Variants in CPNE4 observed in about 807,000 individuals in gnomAD.
CPNE4 encodes copine-4.
CPNE4 carries 25 observed loss-of-function variants against 67.9 expected under a neutral mutation model. The observed-to-expected ratio is 0.37, with a 90% CI of 0.27 to 0.51. The LOEUF is 0.51. Among genes scored for constraint, CPNE4 ranks in the 20% least tolerant of loss-of-function variants. CPNE4 has a pLI of 0.93. For synonymous variants in CPNE4, 242 were observed against 244.9 expected (o/e 0.99, Z 0.11); for missense variants, 464 against 690.8 (o/e 0.67, Z 3.68).
intron 2 of CPNE4, among the ~76,000 whole-genome samples, chr3:131,851,276 TACTC>T (rs2086233623): frequency 6.6e-6 from 1 of 152,096 alleles, no homozygotes; most frequent in African/African-American, 2.4e-5. Flanking sequence ...ATTTGGATAT[TACTC>T]ATTCAATTAA....
chr3:131,691,319 T>C (rs2081028293), intron 5 of CPNE4, among the ~76,000 whole-genome samples: 2 of 152,116 alleles, frequency 1.3e-5, no homozygotes, highest in Admixed American at 6.6e-5. Context: ...CCAATCAACA[T>C]TGAATAGGAT....
chr3:132,024,615 T>C (rs956959569), intron 1 of CPNE4, among the ~76,000 whole-genome samples: 9 of 152,236 alleles, frequency 5.9e-5, no homozygotes, highest in African/African-American at 1.9e-4. Context: ...TGCTCAAGCA[T>C]GTCTTCCTTG....
intron 1 of CPNE4, among the ~76,000 whole-genome samples, chr3:132,004,577 T>TA (rs1306242753): frequency 6.6e-6 from 1 of 151,694 alleles, no homozygotes. Context: ...ACACTGACAT[T>TA]AAAAAAAAGC....
At chr3:131,774,841 T>C (rs2083256234) in intron 2 of CPNE4, among the ~76,000 whole-genome samples, 1 of 152,168 alleles carries the variant, frequency 6.6e-6, no homozygotes, top group South Asian at 2.1e-4. Context: ...TCTAAAATTA[T>C]AGCACCACAC....
chr3:131,813,728 G>T (rs2084624907), intron 2 of CPNE4, among the ~76,000 whole-genome samples: 1 of 152,216 alleles, frequency 6.6e-6, no homozygotes, highest in Middle Eastern at 3.4e-3. Context: ...ATGGCAGCCA[G>T]CTGAAGGAGT....
intron 9 of CPNE4, among the ~76,000 whole-genome samples, chr3:131,577,689 G>C (rs1372280805): frequency 1.3e-5 from 2 of 152,128 alleles, no homozygotes; most frequent in Non-Finnish European, 2.9e-5. Flanking sequence ...AGTGAGAGGT[G>C]AGTGAATGTG....
chr3:131,803,343 T>A (rs148199735), intron 2 of CPNE4, among the ~76,000 whole-genome samples: 75 of 152,352 alleles, frequency 4.9e-4, no homozygotes, highest in African/African-American at 1.8e-3. Context: ...CCTTTCTCTG[T>A]CCAGCTTTCT....
At chr3:131,851,419 A>T (rs2086238527) in intron 2 of CPNE4, among the ~76,000 whole-genome samples, 1 of 152,112 alleles carries the variant, frequency 6.6e-6, no homozygotes, top group African/African-American at 2.4e-5. Context: ...CAAGCTGAAA[A>T]AAATCAGGAT....
chr3:131,831,448 T>A (rs558610863), intron 2 of CPNE4, among the ~76,000 whole-genome samples: 19 of 152,268 alleles, frequency 1.2e-4, no homozygotes, highest in African/African-American at 4.3e-4. Flanking sequence ...CTACTACTGA[T>A]GGAAAATCAG....
chr3:131,540,809 G>T, intron 15 of CPNE4, among the ~76,000 whole-genome samples: 1 of 152,178 alleles, frequency 6.6e-6, no homozygotes, highest in East Asian at 1.9e-4. Context: ...ATGCAGGGAG[G>T]GACTGCAGTG....
At chr3:131,829,742 G>C (rs1031053249) in intron 2 of CPNE4, among the ~76,000 whole-genome samples, 4 of 152,202 alleles carry the variant, frequency 2.6e-5, no homozygotes, top group African/African-American at 9.7e-5. Flanking sequence ...CTTCACAAGA[G>C]GATGGGGAAA....
chr3:131,682,218 G>A (rs764394398), intron 6 of CPNE4, among the ~76,000 whole-genome samples: 1 of 151,894 alleles, frequency 6.6e-6, no homozygotes, highest in Non-Finnish European at 1.5e-5. Context: ...TCTGGATATT[G>A]AAGATTTATA....
intron 2 of CPNE4, among the ~76,000 whole-genome samples, chr3:131,811,175 T>C (rs1288658014): frequency 6.6e-6 from 1 of 151,718 alleles, no homozygotes; most frequent in African/African-American, 2.4e-5. Flanking sequence ...AGATCTTATG[T>C]TGAGTGTTCT....
chr3:131,619,161 G>A (rs920020775), intron 7 of CPNE4, among the ~76,000 whole-genome samples: 1 of 152,108 alleles, frequency 6.6e-6, no homozygotes, highest in African/African-American at 2.4e-5. Flanking sequence ...CTTAGGAAAG[G>A]AAAATCACAA....
At chr3:131,556,444 A>G (rs1389324563) in intron 11 of CPNE4, among the ~76,000 whole-genome samples, 1 of 152,034 alleles carries the variant, frequency 6.6e-6, no homozygotes, top group Non-Finnish European at 1.5e-5. Flanking sequence ...TTCCCTCTAC[A>G]TGACTCATTG....
chr3:131,913,637 G>A (rs2089071298), intron 1 of CPNE4, among the ~76,000 whole-genome samples: 1 of 152,166 alleles, frequency 6.6e-6, no homozygotes, highest in African/African-American at 2.4e-5. Context: ...TTTTGTTCCT[G>A]CTCTAAAGCT....
rs1223155357 is a variant in CPNE4 at position 131,961,082 on chromosome 3, G to A, written c.-1-55638C>T. 2.0e-5 allele frequency among the ~76,000 whole-genome samples: 3 copies of A among 152,118 alleles called. No individual in the cohort carries two copies. In the South Asian group the frequency reaches 6.2e-4, roughly 32 times the overall value. ...TCTAAGACCACAGAGGTAATTAGGGGCAGAACCAAGACTAAAATCCTGATC... is the reference window on the plus strand; with the variant it reads ...TCTAAGACCACAGAGGTAATTAGGGACAGAACCAAGACTAAAATCCTGATC... On this transcript the variant is annotated intron_variant, in intron 1 of 15. Coordinates refer to ENST00000429747, the MANE Select transcript of CPNE4 (RefSeq NM_130808.3).
chr3:131,798,853 A>T (rs545754440), intron 2 of CPNE4, among the ~76,000 whole-genome samples: 1 of 152,156 alleles, frequency 6.6e-6, no homozygotes, highest in Non-Finnish European at 1.5e-5. Context: ...CCATAACTCA[A>T]ATTTCACCAA....
intron 2 of CPNE4, among the ~76,000 whole-genome samples, chr3:131,746,194 G>A (rs1193960722): frequency 6.6e-6 from 1 of 152,068 alleles, no homozygotes; most frequent in East Asian, 1.9e-4. Context: ...GTGATGTTTA[G>A]ATTCACATAT....
Sources: gnomAD v4.1 joint callset for allele counts (sites outside exome capture counted in the v4.1 genomes callset) on GRCh38, gnomAD v4.1.1 for gene constraint, MANE v1.5 for transcripts, NCBI Gene and HGNC (gene_info 2026-07-23, HGNC 2026-07-21) for gene names.